Variants in RADIL observed in about 807,000 individuals in gnomAD.
RADIL encodes the protein Rap associating with DIL domain.
Under a neutral mutation model 97.6 loss-of-function variants are expected in RADIL, and 99 were observed. That is an observed-to-expected ratio of 1.01 (90% CI 0.86 to 1.20). The LOEUF (loss-of-function observed/expected upper bound fraction) is 1.20. Among genes scored for constraint, RADIL ranks in the 50% most tolerant of loss-of-function variants. The pLI, the probability that RADIL is intolerant of heterozygous loss-of-function variation, is 0.00. For synonymous variants in RADIL, 803 were observed against 691.8 expected (o/e 1.16, Z -2.52); for missense variants, 1,765 against 1,498.9 (o/e 1.18, Z -2.93).
intron 11 of RADIL, 28 bp from the exon 12 acceptor site, chr7:4,802,023 G>A (rs1782104138): frequency 6.8e-7 from 1 of 1,463,070 alleles, no homozygotes; most frequent in Non-Finnish European, 9.1e-7. Flanking sequence ...GACAGCTCAG[G>A]TAGAGGAGTG....
chr7:4,805,696 C>G lies in RADIL; in HGVS notation c.2160G>C (p.Arg720=), dbSNP rs1346466583. 6.2e-7 allele frequency: 1 copy of G among 1,610,686 alleles called. No individual in the cohort carries two copies. Among genetic ancestry groups the G allele is most frequent in the African/African-American group, 1.3e-5 (1 of 75,036 alleles). The stretch of plus-strand genomic sequence containing the variant: ...CTGGGCTCAGTGCGGGGAACGCAGC[C>G]CGCAGGGCTGTCCAGCTCATCTGGG... The part of the protein sequence containing the change: ...QLIQMSWTAL[R]AAFPALSPAQ... Residue 720 remains arginine (R), a synonymous_variant, in exon 10 of 15, where the codon CGG becomes CGC. Coordinates refer to ENST00000399583, the MANE Select transcript of RADIL (RefSeq NM_018059.5).
chr7:4,868,398 G>A (rs776929663), intron 2 of RADIL, among the ~76,000 whole-genome samples: 2 of 152,150 alleles, frequency 1.3e-5, no homozygotes, highest in African/African-American at 2.4e-5. Context: ...ATATGTGTAC[G>A]GGTGGCAGCC....
In RADIL at chr7:4,805,616, ATGGGG is replaced by A. The variant is rs1562427829; in HGVS notation, c.2235_2239del (p.Pro746GlufsTer94). 2.5e-6 allele frequency: 4 copies of A among 1,611,742 alleles called. No individual in the cohort carries two copies. The highest frequency in any genetic ancestry group is 3.4e-6 in the Non-Finnish European group (4 of 1,179,792). Reference sequence around the variant, plus strand: ...CTGGGCCCCTGGCTCCCAGGTGCTCATGGGGCCCATGGCCGAGGCCAGCTGGTAGT... The same window carrying A: ...CTGGGCCCCTGGCTCCCAGGTGCTCACCCATGGCCGAGGCCAGCTGGTAGT... On this transcript the variant is annotated frameshift_variant, in exon 10 of 15. Transcript: ENST00000399583. LOFTEE classifies it high-confidence loss of function.
At chr7:4,856,216 G>A (rs537936839) in intron 2 of RADIL, among the ~76,000 whole-genome samples, 2 of 152,042 alleles carry the variant, frequency 1.3e-5, no homozygotes, top group African/African-American at 4.8e-5. Context: ...TCCTGCATCG[G>A]CCTCCTGGGA....
rs1249662103 is a variant in RADIL at position 4,815,191 on chromosome 7, G to T, written c.2139+87C>A. 2.1e-6 allele frequency: 3 copies of T among 1,411,428 alleles called. No homozygotes were observed. The highest frequency in any genetic ancestry group is 2.8e-6 in the Non-Finnish European group (3 of 1,071,582). The allele number at this position is 1,411,428 out of a possible 1,614,324, so 87.4% of individuals were successfully genotyped here. A position where few individuals can be genotyped will look rare whatever the true frequency, so the allele number is the denominator to read the frequency against. ...TTTCCAGCCAAGAAGCCCCGTCCCG[G>T]CCCCCAGGCTTGGTTTGTGAGCCAG... On this transcript the variant is annotated intron_variant, in intron 9 of 14. Transcript: ENST00000399583. The surrounding 1 kb of genome is among the most constrained non-coding windows in gnomAD (Gnocchi z 8.0).
At position 4,837,084 on chromosome 7, in the gene RADIL, G is replaced by A. The variant is rs769107312; in HGVS notation, c.536-479C>T. Among the ~76,000 whole-genome samples the A allele has an allele frequency of 3.9e-5, 6 of 152,096 alleles. No individual in the cohort carries two copies. Among genetic ancestry groups the A allele is most frequent in the Admixed American group, 1.3e-4 (2 of 15,260 alleles). ...CTCAAGGACTCTGCCCTCTAGCCAC[G>A]CCCCTCGAAAAACCAGACAGTGCCT... On this transcript the variant is annotated intron_variant, in intron 2 of 14. Transcript: ENST00000399583. The surrounding 1 kb of genome is among the most constrained non-coding windows in gnomAD (Gnocchi z 5.6).
intron 2 of RADIL, among the ~76,000 whole-genome samples, chr7:4,845,384 C>A (rs140178508): frequency 0.013 from 1,999 of 152,294 alleles, 51 homozygotes; most frequent in African/African-American, 0.046. Context: ...TGCCACTGGG[C>A]TCCAGCCTGG....
intron 2 of RADIL, among the ~76,000 whole-genome samples, chr7:4,857,440 T>A (rs6948173): frequency 0.45 from 69,081 of 152,002 alleles, 17,149 homozygotes; most frequent in African/African-American, 0.65. Context: ...GTAGTGACAG[T>A]TATACTTGGT....
At position 4,835,350 on chromosome 7, in the gene RADIL, C is replaced by G. The variant is rs1043752654; in HGVS notation, c.784-111G>C. 1.4e-6 allele frequency: 2 copies of G among 1,386,932 alleles called. No individual in the cohort carries two copies. Among genetic ancestry groups the G allele is most frequent in the African/African-American group, 1.4e-5 (1 of 70,384 alleles). The allele number at this position is 1,386,932 out of a possible 1,614,324, so 85.9% of individuals were successfully genotyped here. A position where few individuals can be genotyped will look rare whatever the true frequency, so the allele number is the denominator to read the frequency against. On this transcript the variant is annotated intron_variant, in intron 3 of 14. Transcript: ENST00000399583. The surrounding 1 kb of genome is among the most constrained non-coding windows in gnomAD (Gnocchi z 5.8). ...CAGCGTGGCTGGGATGCTGTCGCCA[C>G]GGGCTCTCCATGTCCCTGGCCACCC...
chr7:4,810,209 G>A (rs987634924), intron 9 of RADIL, among the ~76,000 whole-genome samples: 12 of 152,132 alleles, frequency 7.9e-5, no homozygotes, highest in African/African-American at 2.9e-4. Context: ...TGTCACCCAG[G>A]CTGGAGTGCA....
At position 4,813,588 on chromosome 7, in the gene RADIL, G is replaced by A. The variant is rs918380152; in HGVS notation, c.2139+1690C>T. Among the ~76,000 whole-genome samples the A allele has an allele frequency of 2.6e-5, 4 of 152,194 alleles. No individual in the cohort carries two copies. The highest frequency in any genetic ancestry group is 4.4e-5 in the Non-Finnish European group (3 of 68,036). ...CACCAGTGGCCCCTGCCTGGACAAAGCCTAGATTCTCAGCCTCACACCGTC... is the reference window on the plus strand; with the variant it reads ...CACCAGTGGCCCCTGCCTGGACAAAACCTAGATTCTCAGCCTCACACCGTC... On this transcript the variant is annotated intron_variant, in intron 9 of 14. Transcript: ENST00000399583. The surrounding 1 kb of genome is among the most constrained non-coding windows in gnomAD (Gnocchi z 5.0).
chr7:4,806,220 G>C (rs886112871), intron 9 of RADIL, among the ~76,000 whole-genome samples: 2 of 152,250 alleles, frequency 1.3e-5, no homozygotes, highest in Non-Finnish European at 2.9e-5. Context: ...CTCAATCACA[G>C]CTCACCGCAG....
intron 12 of RADIL, 77 bp downstream of exon 12, chr7:4,801,576 G>T: frequency 6.9e-7 from 1 of 1,454,720 alleles, no homozygotes; most frequent in Non-Finnish European, 9.2e-7. Context: ...AGGGGGGAAC[G>T]ATCCCAGGGG....
At position 4,814,776 on chromosome 7, in the gene RADIL, G is replaced by C. The variant is rs1347964244; in HGVS notation, c.2139+502C>G. 6.6e-6 allele frequency among the ~76,000 whole-genome samples: 1 copy of C among 152,240 alleles called. No homozygotes were observed. Among genetic ancestry groups the C allele is most frequent in the Non-Finnish European group, 1.5e-5 (1 of 68,052 alleles). ...CTCCCTGCTCTTCCGGTTGCTGTCA[G>C]AATTCAGTTCCTGTGGTTGTAGGAC... On this transcript the variant is annotated intron_variant, in intron 9 of 14. Transcript: ENST00000399583. This position sits in a 1 kb window ranked among gnomAD's most constrained non-coding sequence, Gnocchi z 4.5.
At chr7:4,845,232 C>T (rs956891211) in intron 2 of RADIL, among the ~76,000 whole-genome samples, 1 of 152,060 alleles carries the variant, frequency 6.6e-6, no homozygotes, top group African/African-American at 2.4e-5. Flanking sequence ...GCAGACTAGG[C>T]AACACAGCAA....
chr7:4,849,617 C>T lies in RADIL; in HGVS notation c.536-13012G>A, dbSNP rs915672771. 5.9e-5 allele frequency among the ~76,000 whole-genome samples: 9 copies of T among 152,080 alleles called. No individual in the cohort carries two copies. Among genetic ancestry groups the T allele is most frequent in the Admixed American group, 2.6e-4 (4 of 15,270 alleles). ...TGTTATCTGCAACAAACCTGCAGACCGAATGGCAGGTGGCTTGGAAGAATG... is the reference window on the plus strand; with the variant it reads ...TGTTATCTGCAACAAACCTGCAGACTGAATGGCAGGTGGCTTGGAAGAATG... On this transcript the variant is annotated intron_variant, in intron 2 of 14. Transcript: ENST00000399583. This position sits in a 1 kb window ranked among gnomAD's most constrained non-coding sequence, Gnocchi z 5.4.
At chr7:4,827,380 C>T (rs1783016075) in intron 5 of RADIL, among the ~76,000 whole-genome samples, 1 of 142,826 alleles carries the variant, frequency 7.0e-6, no homozygotes, top group Admixed American at 7.0e-5. Flanking sequence ...AAAAAAAGGG[C>T]CGGGTGCGGT....
intron 2 of RADIL, among the ~76,000 whole-genome samples, chr7:4,841,218 C>T (rs895994280): frequency 7.2e-5 from 11 of 152,230 alleles, no homozygotes; most frequent in African/African-American, 2.7e-4. Flanking sequence ...TCAGCTGTGG[C>T]CCCAACGCCC....
chr7:4,861,681 T>C (rs887079256), intron 2 of RADIL: 1 of 1,593,638 alleles, frequency 6.3e-7, no homozygotes, highest in Non-Finnish European at 8.5e-7. Context: ...AGGGTTTCTA[T>C]TAGCCTCTGG....
Sources: gnomAD v4.1 joint callset for allele counts (sites outside exome capture counted in the v4.1 genomes callset) on GRCh38, gnomAD v4.1.1 for gene constraint, Gnocchi (gnomAD v3.1) non-coding constraint, MANE v1.5 for transcripts, NCBI Gene and HGNC (gene_info 2026-07-23, HGNC 2026-07-21) for gene names.